Variants in KDELR2 observed in about 807,000 individuals in gnomAD.
The protein encoded by KDELR2 is ER lumen protein-retaining receptor 2.
A neutral mutation model predicts 23.9 loss-of-function variants in KDELR2; 15 were observed. The observed-to-expected ratio is 0.63, with a 90% CI of 0.42 to 0.97. The LOEUF is 0.97. KDELR2 is among the 50% of genes least tolerant of loss of function. KDELR2 has a pLI of 0.00. For synonymous variants in KDELR2, 119 were observed against 106.2 expected (o/e 1.12, Z -0.74); for missense variants, 272 against 254.6 (o/e 1.07, Z -0.46).
chr7:6,464,810 A>T (rs866118545), intron 4 of KDELR2, among the ~76,000 whole-genome samples: 36 of 141,556 alleles, frequency 2.5e-4, no homozygotes, highest in Middle Eastern at 3.7e-3. Flanking sequence ...ATATCAGCTC[A>T]CTGCAACCTC....
intron 3 of KDELR2, 128 bp from the exon 4 acceptor site, chr7:6,466,451 A>G: frequency 3.5e-6 from 4 of 1,131,932 alleles, no homozygotes; most frequent in Non-Finnish European, 3.7e-6. Flanking sequence ...GGCCCAAAAT[A>G]GAACAACAGC....
At chr7:6,472,067 A>C (rs548296839) in intron 2 of KDELR2, among the ~76,000 whole-genome samples, 1 of 152,240 alleles carries the variant, frequency 6.6e-6, no homozygotes, top group African/African-American at 2.4e-5. Context: ...CACCCAGCTA[A>C]TTTTTAGTAG....
rs905684662 is a variant in KDELR2, at chr7:6,461,340, C to G, written c.*1801G>C. On this transcript the variant is annotated 3_prime_UTR_variant, in exon 5 of 5. Transcript: ENST00000258739. ...CACAGAGCTTCCAGACCTTTCCATG[C>G]GTTGTGCTCTCCAGAGGATGCGCCA... 2.6e-5 allele frequency: 4 copies of G among 152,012 alleles called. No homozygotes were observed. Among genetic ancestry groups the G allele is most frequent in the Non-Finnish European group, 5.9e-5 (4 of 68,020 alleles). The allele number at this position is 152,012 out of a possible 1,614,324, so 9.4% of individuals were successfully genotyped here.
At chr7:6,469,474 C>G in intron 3 of KDELR2, 122 bp downstream of exon 3, 1 of 851,862 alleles carries the variant, frequency 1.2e-6, no homozygotes, top group Non-Finnish European at 1.8e-6. Flanking sequence ...CCAGGCTGGT[C>G]TCGAACTCCT....
At chr7:6,468,338 T>C (rs1042587442) in intron 3 of KDELR2, among the ~76,000 whole-genome samples, 3 of 152,256 alleles carry the variant, frequency 2.0e-5, no homozygotes, top group Middle Eastern at 3.4e-3. Flanking sequence ...TGAAATTAAC[T>C]TTTTTTCTTT....
chr7:6,463,271 G>C, intron 4 of KDELR2, 96 bp from the exon 5 acceptor site: 1 of 904,316 alleles, frequency 1.1e-6, no homozygotes, highest in Non-Finnish European at 1.7e-6. Flanking sequence ...CCACACACAA[G>C]ATTCTACATA....
Position 6,462,461 on chromosome 7 carries a change from G to A in KDELR2, c.*680C>T, listed in dbSNP as rs1427405078. ...CTCCAACTGACACTTCCCAGCAGGG[G>A]AGGAGGGCAGGCACCTTTGGTGACT... On this transcript the variant is annotated 3_prime_UTR_variant, in exon 5 of 5. Transcript: ENST00000258739. The A allele has an allele frequency of 6.4e-6, 1 of 156,250 alleles. No individual in the cohort carries two copies. Among genetic ancestry groups the A allele is most frequent in the Non-Finnish European group, 1.4e-5 (1 of 70,896 alleles). 9.7% of individuals were successfully genotyped at this position (156,250 alleles called of 1,614,324 possible). A position where few individuals can be genotyped will look rare whatever the true frequency, so the allele number is the denominator to read the frequency against.
chr7:6,468,405 C>T (rs1238272868), intron 3 of KDELR2, among the ~76,000 whole-genome samples: 1 of 152,192 alleles, frequency 6.6e-6, no homozygotes, highest in Non-Finnish European at 1.5e-5. Flanking sequence ...TCTCGGCTCA[C>T]TGCAACTTCC....
intron 1 of KDELR2, among the ~76,000 whole-genome samples, chr7:6,480,514 G>A (rs866357006): frequency 1.6e-4 from 24 of 152,092 alleles, no homozygotes; most frequent in African/African-American, 3.6e-4. Context: ...ACTTTAAAAC[G>A]GTCCTTAAAG....
rs779857337 is a variant in KDELR2, at chr7:6,469,606, G to C, written c.341C>G (p.Ser114Cys). The C allele has an allele frequency of 5.8e-5, 94 of 1,613,770 alleles. No individual in the cohort carries two copies. Among genetic ancestry groups the C allele is most frequent in the Non-Finnish European group, 7.2e-5 (85 of 1,179,964 alleles). ...ACCTTTTAAACTAACCTCAAGAGGA[G>C]AGAAATCGTGATTAACTAAAAATGA... ...GLSFLVNHDF[S>C]PLEILWTFSI... Residue 114 changes from serine (S) to cysteine (C), a missense_variant, in exon 3 of 5, where the codon TCT becomes TGT. Transcript: ENST00000258739.
chr7:6,471,233 G>A (rs1388758967), intron 2 of KDELR2, among the ~76,000 whole-genome samples: 2 of 127,480 alleles, frequency 1.6e-5, no homozygotes, highest in Non-Finnish European at 3.2e-5. Flanking sequence ...CCAGGCTGGA[G>A]TGCAGTGGCA....
chr7:6,477,352 T>C (rs1219296769), intron 1 of KDELR2, among the ~76,000 whole-genome samples: 1 of 152,090 alleles, frequency 6.6e-6, no homozygotes. Context: ...CATAGGAAAA[T>C]GGGAATCCTA....
intron 3 of KDELR2, among the ~76,000 whole-genome samples, chr7:6,469,231 C>T (rs1178283137): frequency 1.3e-5 from 2 of 151,964 alleles, no homozygotes; most frequent in Non-Finnish European, 2.9e-5. Flanking sequence ...GAATTACAGG[C>T]GTGAGCCACT....
chr7:6,475,778 T>C (rs1193653666), intron 1 of KDELR2, among the ~76,000 whole-genome samples: 1 of 152,234 alleles, frequency 6.6e-6, no homozygotes, highest in East Asian at 1.9e-4. Flanking sequence ...GCTGACTAAA[T>C]GTCAGAACCC....
rs773292313 is a variant in KDELR2 at position 6,466,181 on chromosome 7, T to C, written c.494A>G (p.Asn165Ser). The C allele has an allele frequency of 3.2e-5, 51 of 1,613,964 alleles. No individual in the cohort carries two copies. The highest frequency in any genetic ancestry group is 4.2e-5 in the Non-Finnish European group (50 of 1,180,024). The change falls in exon 4 of 5, where the codon AAC (asparagine) becomes AGC (serine). Residue 165 changes from asparagine to serine, a missense_variant. Asn to Ser is a conservative substitution (Grantham distance 46). Coordinates refer to ENST00000258739, the MANE Select transcript of KDELR2 (RefSeq NM_006854.4). ...CTCAAAGTAGAAGCGCCAGATCCAG[T>C]TGACAAGATACAAAGCACGATAGAG... ...LGLYRALYLV[N>S]WIWRFYFEGF... is the part of the protein sequence containing the mutation.
intron 4 of KDELR2, among the ~76,000 whole-genome samples, chr7:6,464,391 C>T (rs935124164): frequency 2.6e-5 from 4 of 151,606 alleles, no homozygotes; most frequent in Non-Finnish European, 4.4e-5. Flanking sequence ...TGGTGGTGCG[C>T]ACCTGTAATC....
rs1785412082 is a variant in KDELR2 at position 6,462,648 on chromosome 7, CAT to C, written c.*491_*492del. 4.4e-6 allele frequency: 1 copy of C among 228,380 alleles called. No individual in the cohort carries two copies. Among genetic ancestry groups the C allele is most frequent in the Non-Finnish European group, 8.5e-6 (1 of 117,184 alleles). 14.1% of individuals were successfully genotyped at this position (228,380 alleles called of 1,614,324 possible). A position where few individuals can be genotyped will look rare whatever the true frequency, so the allele number is the denominator to read the frequency against. ...ATTTGAACAGATACATCCAATTGAA[CAT>C]AGTGTCTCAGATTTCAAACAAATAC... is the stretch of plus-strand genomic sequence containing the variant. On this transcript the variant is annotated 3_prime_UTR_variant, in exon 5 of 5. Transcript: ENST00000258739.
intron 3 of KDELR2, 30 bp from the exon 4 acceptor site, chr7:6,466,353 G>GA (rs1174094395): frequency 6.2e-7 from 1 of 1,607,142 alleles, no homozygotes; most frequent in African/African-American, 1.3e-5. Flanking sequence ...CTTCCATCAC[G>GA]ACCCACTGCC....
chr7:6,474,737 C>T (rs775294273), intron 1 of KDELR2, among the ~76,000 whole-genome samples: 4 of 152,208 alleles, frequency 2.6e-5, no homozygotes, highest in Non-Finnish European at 5.9e-5. Flanking sequence ...CGATCAAGCT[C>T]ACTGTAGCCT....
Sources: allele counts gnomAD v4.1 joint callset (sites outside exome capture counted in the v4.1 genomes callset), GRCh38; gene constraint gnomAD v4.1.1; transcripts MANE v1.5; gene names NCBI Gene and HGNC (gene_info 2026-07-23, HGNC 2026-07-21).